Variants in ZNF568 observed in about 807,000 individuals in gnomAD.
ZNF568 encodes p53 inhibitor of SCO2 activation.
In ZNF568, 11 loss-of-function variants were observed where a neutral mutation model predicts 18.1. The observed-to-expected ratio is 0.61, with a 90% CI of 0.38 to 1.00. The LOEUF (loss-of-function observed/expected upper bound fraction) is 1.00. ZNF568 is among the 50% of genes least tolerant of loss of function. The pLI, the probability that ZNF568 is intolerant of heterozygous loss-of-function variation, is 0.01. For missense variants in ZNF568, 639 were observed against 768.2 expected (o/e 0.83, Z 1.99); for synonymous variants, 213 against 246.6 (o/e 0.86, Z 1.28).
downstream of ZNF568, among the ~76,000 whole-genome samples, chr19:36,981,753 A>C (rs1456706759): frequency 6.6e-6 from 1 of 152,042 alleles, no homozygotes; most frequent in Non-Finnish European, 1.5e-5. Context: ...GCATGCCTGT[A>C]GTCCCAGCTA....
chr19:36,942,229 A>G (rs962696541), intron 6 of ZNF568, among the ~76,000 whole-genome samples: 1 of 151,622 alleles, frequency 6.6e-6, no homozygotes, highest in African/African-American at 2.4e-5. Context: ...CGGTCTCCCA[A>G]AGTGCTGGGA....
chr19:36,996,419 G>C, exon 5 of ZNF568: 1 of 1,536,398 alleles, frequency 6.5e-7, no homozygotes, highest in Non-Finnish European at 8.7e-7. Context: ...AGAGAAATCA[G>C]ATGCCAGGTG....
At chr19:36,980,347 A>G (rs1171246327), downstream of ZNF568, 2 of 152,204 alleles carry the variant, frequency 1.3e-5, no homozygotes, top group Non-Finnish European at 2.9e-5. Context: ...TAAGTCTTCA[A>G]TTCACTTGGA....
chr19:36,996,791 A>G, exon 5 of ZNF568: 3 of 1,553,800 alleles, frequency 1.9e-6, no homozygotes, highest in Non-Finnish European at 1.7e-6. Flanking sequence ...GAGAAACCTC[A>G]TAAATGTAAG....
chr19:36,961,567 C>G (rs2074150298), intron 6 of ZNF568, among the ~76,000 whole-genome samples: 12 of 152,042 alleles, frequency 7.9e-5, no homozygotes, highest in Admixed American at 7.9e-4. Flanking sequence ...CACTCTGTTG[C>G]CCAGGCTGGA....
At chr19:36,954,510 C>T (rs1247157971), downstream of ZNF568, among the ~76,000 whole-genome samples, 1 of 151,740 alleles carries the variant, frequency 6.6e-6, no homozygotes, top group Non-Finnish European at 1.5e-5. Flanking sequence ...TTCGTAGTCC[C>T]TTCTTCAATA....
intron 4 of ZNF568, 65 bp downstream of exon 4, chr19:36,925,323 A>G: frequency 7.1e-7 from 1 of 1,400,614 alleles, no homozygotes; most frequent in East Asian, 2.3e-5. Flanking sequence ...GGGTTCTTGT[A>G]ACCTACCAAT....
At chr19:36,983,929 C>T (rs1424921951), downstream of ZNF568, among the ~76,000 whole-genome samples, 6 of 119,568 alleles carry the variant, frequency 5.0e-5, no homozygotes, top group East Asian at 2.4e-4. Context: ...GACAGAGTCT[C>T]GCTCTGTCGC....
intron 4 of ZNF568, among the ~76,000 whole-genome samples, chr19:36,928,523 G>A (rs931736650): frequency 6.6e-6 from 1 of 152,156 alleles, no homozygotes. Context: ...CAACCAGCTT[G>A]CCAGTGCTAC....
intron 6 of ZNF568, among the ~76,000 whole-genome samples, chr19:36,967,251 C>A (rs1426923019): frequency 2.6e-5 from 4 of 152,132 alleles, no homozygotes; most frequent in African/African-American, 9.7e-5. Context: ...CTTAATAATT[C>A]TTTATATTAT....
At chr19:36,997,474 G>A, downstream of ZNF568, 1 of 1,588,028 alleles carries the variant, frequency 6.3e-7, no homozygotes, top group Non-Finnish European at 8.5e-7. Context: ...TAAGTGTAAG[G>A]AATGTGGGAA....
chr19:36,967,526 G>A (rs947366345), intron 6 of ZNF568, among the ~76,000 whole-genome samples: 38 of 152,094 alleles, frequency 2.5e-4, no homozygotes, highest in African/African-American at 8.9e-4. Context: ...TAGCACCCCT[G>A]TACTCCAGCC....
exon 5 of ZNF568, chr19:36,997,030 G>T: frequency 6.4e-7 from 1 of 1,562,832 alleles, no homozygotes. Context: ...AATCCATACG[G>T]GTGAGAAACC....
At chr19:36,920,854 G>A (rs1357777987) in intron 2 of ZNF568, among the ~76,000 whole-genome samples, 1 of 151,984 alleles carries the variant, frequency 6.6e-6, no homozygotes, top group Admixed American at 6.6e-5. Context: ...CTTTACCAGT[G>A]TACCATTTTT....
At chr19:36,963,283 C>T (rs184131417) in intron 6 of ZNF568, among the ~76,000 whole-genome samples, 78 of 152,242 alleles carry the variant, frequency 5.1e-4, no homozygotes, top group African/African-American at 1.5e-3. Flanking sequence ...TAATTTCAGA[C>T]CTGTCAATTC....
chr19:36,960,839 T>C (rs1198246020), intron 6 of ZNF568, among the ~76,000 whole-genome samples: 1 of 152,176 alleles, frequency 6.6e-6, no homozygotes, highest in African/African-American at 2.4e-5. Context: ...TTTCCAAAGT[T>C]CCTCTTGGTG....
intron 6 of ZNF568, among the ~76,000 whole-genome samples, chr19:36,958,635 T>TTTTTTTTTTTC (rs1568398128): frequency 6.9e-6 from 1 of 145,250 alleles, no homozygotes; most frequent in African/African-American, 2.6e-5. Context: ...TTTTTTTTTT[T>TTTTTTTTTTTC]TTTGAGACAG....
exon 8 of ZNF568, chr19:36,979,194 G>T (rs952241735): frequency 1.0e-5 from 2 of 192,494 alleles, no homozygotes; most frequent in South Asian, 6.8e-5. Flanking sequence ...TGTTGGTCAG[G>T]CTGGTCTCAA....
intron 4 of ZNF568, among the ~76,000 whole-genome samples, chr19:36,933,168 T>C (rs994432314): frequency 1.3e-5 from 2 of 150,290 alleles, no homozygotes; most frequent in Admixed American, 6.6e-5. Context: ...TTTAAGCTCT[T>C]ACAGCTAGAT....
Sources: allele counts gnomAD v4.1 joint callset (sites outside exome capture counted in the v4.1 genomes callset), GRCh38; gene constraint gnomAD v4.1.1; transcripts MANE v1.5; gene names NCBI Gene and HGNC (gene_info 2026-07-23, HGNC 2026-07-21).